The following RBM14 variants were observed in gnomAD, a reference collection of about 807,000 sequenced individuals.
The protein encoded by RBM14 is RNA binding motif protein 14.
A neutral mutation model predicts 52.8 loss-of-function variants in RBM14; 5 were observed. The ratio of observed to expected loss-of-function variants is 0.09; its 90% confidence interval spans 0.05 to 0.20. RBM14 has a LOEUF of 0.20. Ranked by LOEUF, RBM14 falls within the 10% of genes least tolerant of loss-of-function variation. RBM14 has a pLI of 1.00. For missense variants in RBM14, 780 were observed against 926.6 expected, an observed-to-expected ratio of 0.84 and a Z score of 2.05; for synonymous variants, 411 against 401.8, an observed-to-expected ratio of 1.02 and a Z score of -0.28.
At position 66,624,966 on chromosome 11, in the gene RBM14, T is replaced by A; in HGVS notation, c.1090T>A (p.Ser364Thr). Reference sequence around the variant, plus strand: ...CTATGGGGTTCGTGCAGCTGCTTCTTCCTACAACACCCAGGGAGCAGCTTC... The same window carrying A: ...CTATGGGGTTCGTGCAGCTGCTTCTACCTACAACACCCAGGGAGCAGCTTC... ...SSYGVRAAASSYNTQGAASSL... is the reference protein window; with the variant it reads ...SSYGVRAAASTYNTQGAASSL... The change falls in exon 2 of 3, where the codon TCC becomes ACC. Residue 364 changes from serine to threonine, a missense_variant. Ser to Thr is a moderately conservative substitution (Grantham distance 58). Around this residue, in one of 4 missense-constraint regions of RBM14, gnomAD observed 675 missense variants for 697.3 expected, o/e 0.97. Coordinates refer to ENST00000310137, the MANE Select transcript of RBM14 (RefSeq NM_006328.4). The surrounding 1 kb of genome is among the most constrained non-coding windows in gnomAD (Gnocchi z 4.7). The A allele has an allele frequency of 6.2e-7, 1 of 1,613,932 alleles. No individual in the cohort carries two copies. The highest frequency in any genetic ancestry group is 8.5e-7 in the Non-Finnish European group (1 of 1,179,962).
intron 1 of RBM14, among the ~76,000 whole-genome samples, chr11:66,618,292 G>C (rs1412116760): frequency 1.3e-5 from 2 of 152,110 alleles, no homozygotes; most frequent in Non-Finnish European, 2.9e-5. Flanking sequence ...TACCCTGTGT[G>C]AGAAGTTTCA....
Position 66,625,754 on chromosome 11 carries a change from T to C in RBM14, c.1802+76T>C, listed in dbSNP as rs755442645. ...GCTGAGGTTGGCATGGGAGGGAAAC[T>C]GGAGGCATCGGCCCCTCCCTCGGTC... On this transcript the variant is annotated intron_variant, in intron 2 of 2. Transcript: ENST00000310137. This position sits in a 1 kb window ranked among gnomAD's most constrained non-coding sequence, Gnocchi z 4.2. 1 of 1,179,054 alleles carries C rather than the reference T, an allele frequency of 8.5e-7. No homozygotes were observed. Among genetic ancestry groups the C allele is most frequent in the African/African-American group, 1.5e-5 (1 of 65,196 alleles). The allele number at this position is 1,179,054 out of a possible 1,614,324, so 73.0% of individuals were successfully genotyped here.
chr11:66,625,734 G>A lies in RBM14; in HGVS notation c.1802+56G>A, dbSNP rs1937771816. The A allele has an allele frequency of 1.5e-6, 2 of 1,375,946 alleles. No individual in the cohort carries two copies. The highest frequency in any genetic ancestry group is 2.0e-6 in the Non-Finnish European group (2 of 1,012,840). 85.2% of individuals were successfully genotyped at this position (1,375,946 alleles called of 1,614,324 possible). A position where few individuals can be genotyped will look rare whatever the true frequency, so the allele number is the denominator to read the frequency against. ...GCTGGGGCTTAGGGCAAGGGGCTGA[G>A]GTTGGCATGGGAGGGAAACTGGAGG... On this transcript the variant is annotated intron_variant, in intron 2 of 2. Transcript: ENST00000310137. The surrounding 1 kb of genome is among the most constrained non-coding windows in gnomAD (Gnocchi z 4.2).
chr11:66,619,090 C>G (rs1322930072), intron 1 of RBM14: 1 of 153,288 alleles, frequency 6.5e-6, no homozygotes, highest in Non-Finnish European at 1.5e-5. Context: ...ATCATATCCT[C>G]CACTGATGTC....
intron 1 of RBM14, among the ~76,000 whole-genome samples, chr11:66,620,267 G>A (rs1357003454): frequency 2.0e-5 from 3 of 151,814 alleles, no homozygotes; most frequent in African/African-American, 4.8e-5. Flanking sequence ...TGTATCAGAT[G>A]GATTTTTAAA....
At position 66,626,585 on chromosome 11, in the gene RBM14, T is replaced by C. The variant is rs1383801771; in HGVS notation, c.1927T>C (p.Ser643Pro). Reference sequence around the variant, plus strand: ...TTACCGTCGCCTGCCCGATGCCCATTCCGATTACGCACGCTATTCGGGCTC... The same window carrying C: ...TTACCGTCGCCTGCCCGATGCCCATCCCGATTACGCACGCTATTCGGGCTC... ...LDYRRLPDAH[S>P]DYARYSGSYN... Residue 643 changes from serine (S) to proline (P), a missense_variant, in exon 3 of 3, where the codon TCC becomes CCC. Physicochemically the swap from Ser to Pro is moderately conservative, Grantham distance 74. Coordinates refer to ENST00000310137, the MANE Select transcript of RBM14 (RefSeq NM_006328.4). The C allele has an allele frequency of 6.2e-7, 1 of 1,613,938 alleles. No individual in the cohort carries two copies. The highest frequency in any genetic ancestry group is 1.7e-5 in the Admixed American group (1 of 60,026).
rs773876014 is a variant in RBM14 at position 66,627,470 on chromosome 11, G to C, written c.*802G>C. ...TGGTGAGGAAAGGGGTTTGAATGTC[G>C]GAATTAGAAGGATTGCCCTGTGGCC... On this transcript the variant is annotated 3_prime_UTR_variant, in exon 3 of 3. Coordinates refer to ENST00000310137, the MANE Select transcript of RBM14 (RefSeq NM_006328.4). 6.6e-6 allele frequency: 1 copy of C among 152,124 alleles called. No individual in the cohort carries two copies. The highest frequency in any genetic ancestry group is 1.9e-4 in the East Asian group (1 of 5,196). 9.4% of individuals were successfully genotyped at this position (152,124 alleles called of 1,614,324 possible).
chr11:66,626,871 T>A lies in RBM14; in HGVS notation c.*203T>A, dbSNP rs186461806. 1.5e-4 allele frequency: 86 copies of A among 559,228 alleles called. No homozygotes were observed. Among genetic ancestry groups the A allele is most frequent in the Admixed American group, 2.7e-4 (8 of 29,198 alleles). 34.6% of individuals were successfully genotyped at this position (559,228 alleles called of 1,614,324 possible). On this transcript the variant is annotated 3_prime_UTR_variant, in exon 3 of 3. Transcript: ENST00000310137. ...TGTTCCTTCGCCTCAGCAGCAAATCTTGCTACTGGCTCTAGATCTGCGGTT... is the reference window on the plus strand; with the variant it reads ...TGTTCCTTCGCCTCAGCAGCAAATCATGCTACTGGCTCTAGATCTGCGGTT...
Position 66,629,188 on chromosome 11 carries a change from T to G in RBM14, c.*2520T>G, listed in dbSNP as rs551940799. Among the ~76,000 whole-genome samples the G allele has an allele frequency of 1.5e-4, 23 of 152,314 alleles. No individual in the cohort carries two copies. Among genetic ancestry groups the G allele is most frequent in the Admixed American group, 1.5e-3 (23 of 15,290 alleles). ...TTCAAGTTCTATAACTTGGGGAAAG[T>G]TAGGTTGAGTGAATGGGAGGACAGA... On this transcript the variant is annotated 3_prime_UTR_variant, in exon 3 of 3. Coordinates refer to ENST00000310137, the MANE Select transcript of RBM14 (RefSeq NM_006328.4).
In RBM14 at chr11:66,629,139, T is replaced by G. The variant is rs1937942833; in HGVS notation, c.*2471T>G. Among the ~76,000 whole-genome samples, 1 of 152,264 alleles carries G rather than the reference T, an allele frequency of 6.6e-6. No homozygotes were observed. The highest frequency in any genetic ancestry group is 1.5e-5 in the Non-Finnish European group (1 of 68,048). The stretch of plus-strand genomic sequence containing the variant: ...CACCTGTGTTAATCCTATAGCCTGC[T>G]TCTTTGCTTTGTGGATTACTGATTT... On this transcript the variant is annotated 3_prime_UTR_variant, in exon 3 of 3. Transcript: ENST00000310137.
intron 1 of RBM14, among the ~76,000 whole-genome samples, chr11:66,622,550 T>C (rs1445205838): frequency 1.3e-5 from 2 of 152,212 alleles, no homozygotes; most frequent in Non-Finnish European, 2.9e-5. Context: ...TAAGATCTTA[T>C]AACAAGTCAG....
chr11:66,618,022 C>T (rs192383749), intron 1 of RBM14, among the ~76,000 whole-genome samples: 12 of 152,294 alleles, frequency 7.9e-5, no homozygotes, highest in African/African-American at 2.2e-4. Context: ...GGGCAGATCC[C>T]GGTGCCTTTT....
chr11:66,621,322 G>C (rs1218928247), intron 1 of RBM14, among the ~76,000 whole-genome samples: 2 of 152,032 alleles, frequency 1.3e-5, no homozygotes, highest in Non-Finnish European at 2.9e-5. Flanking sequence ...TTTCACAGGT[G>C]GTAGATAAGG....
rs200303626 is a variant in RBM14, at chr11:66,625,299, G to A, written c.1423G>A (p.Gly475Arg). The change falls in exon 2 of 3, where the codon GGG becomes AGG. Residue 475 changes from glycine to arginine, a missense_variant. Gly to Arg is a moderately radical substitution (Grantham distance 125). Transcript: ENST00000310137. The surrounding 1 kb of genome is among the most constrained non-coding windows in gnomAD (Gnocchi z 4.2). Reference protein sequence around the residue: ...PVVQTQLNSYGAQASMGLSGS... With the variant: ...PVVQTQLNSYRAQASMGLSGS... ...TGTGCAGACCCAGCTGAATAGTTAC[G>A]GGGCCCAAGCATCAATGGGCCTTTC... The A allele has an allele frequency of 8.7e-6, 14 of 1,612,444 alleles. No homozygotes were observed. In the Admixed American group the frequency reaches 1.0e-4, roughly 12 times the overall value.
Position 66,625,316 on chromosome 11 carries a change from G to A in RBM14, c.1440G>A (p.Met480Ile), listed in dbSNP as rs1937738245. Residue 480 changes from methionine (M) to isoleucine (I), a missense_variant, in exon 2 of 3, where the codon ATG becomes ATA. By Grantham distance (10) the Met-to-Ile change is conservative. Coordinates refer to ENST00000310137, the MANE Select transcript of RBM14 (RefSeq NM_006328.4). The surrounding 1 kb of genome is among the most constrained non-coding windows in gnomAD (Gnocchi z 4.2). ...ATAGTTACGGGGCCCAAGCATCAAT[G>A]GGCCTTTCAGGCTCCTATGGGGCTC... The part of the protein sequence containing the change: ...QLNSYGAQAS[M>I]GLSGSYGAQS... 1 of 1,611,302 alleles carries A rather than the reference G, an allele frequency of 6.2e-7. No homozygotes were observed. The highest frequency in any genetic ancestry group is 1.7e-5 in the Admixed American group (1 of 59,718).
chr11:66,626,768 T>C lies in RBM14; in HGVS notation c.*100T>C. 1 of 1,245,860 alleles carries C rather than the reference T, an allele frequency of 8.0e-7. No individual in the cohort carries two copies. The highest frequency in any genetic ancestry group is 1.1e-6 in the Non-Finnish European group (1 of 919,750). The allele number at this position is 1,245,860 out of a possible 1,614,324, so 77.2% of individuals were successfully genotyped here. A position where few individuals can be genotyped will look rare whatever the true frequency, so the allele number is the denominator to read the frequency against. On this transcript the variant is annotated 3_prime_UTR_variant, in exon 3 of 3. Coordinates refer to ENST00000310137, the MANE Select transcript of RBM14 (RefSeq NM_006328.4). ...CTACTCTGGCCCATACCTTTCCTGG[T>C]TGTGGTTTTTCATGCCCTCTACCAT...
At chr11:66,617,617 T>G in intron 1 of RBM14, 1 of 964,434 alleles carries the variant, frequency 1.0e-6, no homozygotes, top group Non-Finnish European at 1.2e-6. Context: ...GGTCTACTCA[T>G]GGGCACAGTT....
intron 1 of RBM14, chr11:66,617,664 T>A: frequency 1.4e-6 from 1 of 708,914 alleles, no homozygotes; most frequent in Non-Finnish European, 1.7e-6. Context: ...CCGAATCACT[T>A]TGGCCTTTCA....
rs769653555 is a variant in RBM14 at position 66,625,696 on chromosome 11, G to C, written c.1802+18G>C. ...TCGAAAAGGTACTGTATGCCCCCCCGCCTCTGCCCCCAGCTGGGGCTTAGG... is the reference window on the plus strand; with the variant it reads ...TCGAAAAGGTACTGTATGCCCCCCCCCCTCTGCCCCCAGCTGGGGCTTAGG... On this transcript the variant is annotated intron_variant, in intron 2 of 2. Coordinates refer to ENST00000310137, the MANE Select transcript of RBM14 (RefSeq NM_006328.4). This position sits in a 1 kb window ranked among gnomAD's most constrained non-coding sequence, Gnocchi z 4.2. 6.4e-7 allele frequency: 1 copy of C among 1,553,142 alleles called. No homozygotes were observed. The highest frequency in any genetic ancestry group is 1.2e-5 in the South Asian group (1 of 85,740).
Sources: allele counts gnomAD v4.1 joint callset (sites outside exome capture counted in the v4.1 genomes callset), GRCh38; gene constraint gnomAD v4.1.1; regional missense constraint gnomAD v4.1.1; non-coding constraint Gnocchi (gnomAD v3.1); transcripts MANE v1.5; gene names NCBI Gene and HGNC (gene_info 2026-07-23, HGNC 2026-07-21).